The following CCSER1 variants were observed in gnomAD, a reference collection of about 807,000 sequenced individuals.
CCSER1 encodes serine-rich coiled-coil domain-containing protein 1.
A neutral mutation model predicts 82.0 loss-of-function variants in CCSER1; 41 were observed. The ratio of observed to expected loss-of-function variants is 0.50; its 90% CI spans 0.39 to 0.65. The LOEUF is 0.65. Among genes scored for constraint, CCSER1 ranks in the 30% least tolerant of loss-of-function variants. The pLI is 0.00. For missense variants in CCSER1, 1,119 were observed against 1,064.2 expected (o/e 1.05, Z -0.72); for synonymous variants, 414 against 383.9 (o/e 1.08, Z -0.92).
chr4:91,296,941 T>TA (rs1744227060), intron 10 of CCSER1, among the ~76,000 whole-genome samples: 1 of 151,732 alleles, frequency 6.6e-6, no homozygotes, highest in Admixed American at 6.6e-5. Context: ...TTATATTTTT[T>TA]AAAAAATACA....
intron 7 of CCSER1, among the ~76,000 whole-genome samples, chr4:90,801,305 A>C (rs907321854): frequency 2.6e-5 from 4 of 152,168 alleles, no homozygotes; most frequent in African/African-American, 9.6e-5. Flanking sequence ...CTGAAACCCT[A>C]CTTATTCTAG....
intron 10 of CCSER1, among the ~76,000 whole-genome samples, chr4:91,320,280 CTATTTA>C (rs1349068053): frequency 6.6e-6 from 1 of 151,996 alleles, no homozygotes; most frequent in Admixed American, 6.6e-5. Flanking sequence ...AATGACTCTT[CTATTTA>C]TGAGACCATG....
chr4:90,622,528 T>C (rs1722509983), intron 5 of CCSER1, among the ~76,000 whole-genome samples: 1 of 152,174 alleles, frequency 6.6e-6, no homozygotes, highest in Admixed American at 6.5e-5. Flanking sequence ...GTTTGTTTTT[T>C]TGTCCTTGCG....
chr4:91,593,231 G>T (rs1422583640), intron 10 of CCSER1, among the ~76,000 whole-genome samples: 1 of 152,076 alleles, frequency 6.6e-6, no homozygotes, highest in Non-Finnish European at 1.5e-5. Flanking sequence ...TTGTAATGCA[G>T]TTTAAATTGC....
intron 10 of CCSER1, among the ~76,000 whole-genome samples, chr4:91,574,229 C>G (rs1206313548): frequency 1.4e-5 from 2 of 141,224 alleles, no homozygotes; most frequent in Non-Finnish European, 3.1e-5. Flanking sequence ...ATTAAAAAGT[C>G]AAAAAACAGA....
At chr4:90,296,016 A>G (rs1436326082) in intron 1 of CCSER1, among the ~76,000 whole-genome samples, 1 of 152,104 alleles carries the variant, frequency 6.6e-6, no homozygotes, top group Non-Finnish European at 1.5e-5. Flanking sequence ...AAAAAAAACA[A>G]CTGCTCTTTA....
chr4:90,216,646 A>G (rs1005206823), intron 1 of CCSER1, among the ~76,000 whole-genome samples: 2 of 152,110 alleles, frequency 1.3e-5, no homozygotes, highest in Non-Finnish European at 2.9e-5. Flanking sequence ...TTTTTGTACC[A>G]GTACCATCCT....
intron 8 of CCSER1, among the ~76,000 whole-genome samples, chr4:90,919,154 A>G (rs766119015): frequency 1.9e-4 from 29 of 151,154 alleles, no homozygotes; most frequent in Admixed American, 6.0e-4. Flanking sequence ...GACAAGGTGG[A>G]CACCAAAAAT....
Position 91,368,020 on chromosome 4 carries a change from G to C in CCSER1, c.2218-230552G>C, listed in dbSNP as rs538694079. ...TTACATAAAATATATGGGAATAAAT[G>C]TATACAATTTTCCTATGTGGATATT... On this transcript the variant is annotated intron_variant, in intron 10 of 10. Transcript: ENST00000509176. 5.3e-5 allele frequency among the ~76,000 whole-genome samples: 8 copies of C among 152,134 alleles called. No individual in the cohort carries two copies. The South Asian group carries it at 1.7e-3, about 32-fold the overall frequency.
intron 1 of CCSER1, among the ~76,000 whole-genome samples, chr4:90,216,503 G>A (rs1688121033): frequency 6.6e-6 from 1 of 152,168 alleles, no homozygotes; most frequent in Admixed American, 6.5e-5. Flanking sequence ...TATTAAAGAT[G>A]TGCACATTAC....
chr4:90,507,847 T>A (rs939623768), intron 5 of CCSER1, among the ~76,000 whole-genome samples: 1 of 152,030 alleles, frequency 6.6e-6, no homozygotes, highest in Non-Finnish European at 1.5e-5. Context: ...AATCTGCTTT[T>A]AAAAGATGAT....
At chr4:90,872,871 G>T (rs1430368628) in intron 8 of CCSER1, among the ~76,000 whole-genome samples, 2 of 151,754 alleles carry the variant, frequency 1.3e-5, no homozygotes, top group Admixed American at 6.6e-5. Context: ...ATGTTTGAAA[G>T]ATATTTTCTT....
chr4:91,358,396 T>TG (rs1450626390), intron 10 of CCSER1, among the ~76,000 whole-genome samples: 2 of 87,000 alleles, frequency 2.3e-5, no homozygotes, highest in Non-Finnish European at 6.0e-5. Context: ...CCCACGTTGT[T>TG]TTTTTTTTTT....
At chr4:91,183,544 C>G (rs188276403) in intron 10 of CCSER1, among the ~76,000 whole-genome samples, 31 of 152,160 alleles carry the variant, frequency 2.0e-4, no homozygotes, top group Admixed American at 2.0e-3. Context: ...GTGAGAGGGA[C>G]AATAATTTTT....
At chr4:91,412,211 A>G (rs958201438) in intron 10 of CCSER1, among the ~76,000 whole-genome samples, 2 of 151,976 alleles carry the variant, frequency 1.3e-5, no homozygotes, top group Non-Finnish European at 2.9e-5. Flanking sequence ...AAATATATCT[A>G]TATTCCTGTT....
intron 5 of CCSER1, among the ~76,000 whole-genome samples, chr4:90,484,940 C>G (rs1251628218): frequency 2.0e-5 from 3 of 152,182 alleles, no homozygotes; most frequent in Non-Finnish European, 4.4e-5. Context: ...GAGGTTATTG[C>G]TGTCTTTTGT....
intron 9 of CCSER1, among the ~76,000 whole-genome samples, chr4:91,057,480 G>A (rs1743556962): frequency 1.3e-5 from 2 of 152,118 alleles, no homozygotes; most frequent in Admixed American, 1.3e-4. Flanking sequence ...AAACAGTAAG[G>A]AGGCTAACAT....
chr4:91,167,278 G>T (rs577654770), intron 10 of CCSER1, among the ~76,000 whole-genome samples: 1 of 143,944 alleles, frequency 6.9e-6, no homozygotes, highest in Non-Finnish European at 1.5e-5. Flanking sequence ...CCTTTGCCTC[G>T]TGGGTTCAAG....
rs1560634380 is a variant in CCSER1 at position 91,390,591 on chromosome 4, T to A, written c.2218-207981T>A. ...TACCCTAGAACTTAAAGTATTTTATTTATATATATATATATGAAGTATTCC... is the reference window on the plus strand; with the variant it reads ...TACCCTAGAACTTAAAGTATTTTATATATATATATATATATGAAGTATTCC... On this transcript the variant is annotated intron_variant, in intron 10 of 10. Coordinates refer to ENST00000509176, the MANE Select transcript of CCSER1 (RefSeq NM_001145065.2). 2.0e-5 allele frequency among the ~76,000 whole-genome samples: 3 copies of A among 150,448 alleles called. No homozygotes were observed. The South Asian group carries it at 6.3e-4, about 31-fold the overall frequency.
Sources: allele counts gnomAD v4.1 joint callset (sites outside exome capture counted in the v4.1 genomes callset), GRCh38; gene constraint gnomAD v4.1.1; transcripts MANE v1.5; gene names NCBI Gene and HGNC (gene_info 2026-07-23, HGNC 2026-07-21).